Variants in STX3 observed in about 807,000 individuals in gnomAD.
The protein encoded by STX3 is syntaxin-3.
STX3 carries 19 observed loss-of-function variants against 40.2 expected under a neutral mutation model. The observed-to-expected ratio is 0.47, with a 90% CI of 0.33 to 0.69. The LOEUF (loss-of-function observed/expected upper bound fraction) is 0.69. STX3 is among the 30% of genes least tolerant of loss of function. The probability of loss-of-function intolerance (pLI) is 0.02; values close to 1 mark genes in which losing one functional copy is unlikely to be tolerated. For missense variants in STX3, 364 were observed against 366.7 expected (o/e 0.99, Z 0.06); for synonymous variants, 122 against 132.2 (o/e 0.92, Z 0.53).
intron 10 of STX3, chr11:59,799,704 T>C: frequency 1.0e-6 from 1 of 985,450 alleles, no homozygotes; most frequent in South Asian, 4.7e-5. Context: ...CCTCCTTCCA[T>C]GTGACCAGGG....
intron 8 of STX3, 30 bp downstream of exon 8, chr11:59,793,544 G>C (rs202161201): frequency 6.2e-7 from 1 of 1,601,766 alleles, no homozygotes; most frequent in East Asian, 2.2e-5. Context: ...AGCGTGGGGA[G>C]GGAGGAGAGG....
At chr11:59,789,046 T>G in intron 4 of STX3, 99 bp downstream of exon 4, 2 of 1,035,726 alleles carry the variant, frequency 1.9e-6, no homozygotes, top group Admixed American at 2.2e-5. Flanking sequence ...TTGATGGAAG[T>G]GACACCACTT....
chr11:59,766,679 A>G (rs1345701319), intron 1 of STX3, among the ~76,000 whole-genome samples: 3 of 152,230 alleles, frequency 2.0e-5, no homozygotes, highest in Non-Finnish European at 2.9e-5. Context: ...TCAGCCCAGG[A>G]TGCTTTCTGC....
rs140221416 is a variant in STX3, at chr11:59,789,009, G to A, written c.289+62G>A. ...CACCATCTATCTCAGCTCCCCTAGGGTCCAGCTTTCCGAACTGAAACTCCT... is the reference window on the plus strand; with the variant it reads ...CACCATCTATCTCAGCTCCCCTAGGATCCAGCTTTCCGAACTGAAACTCCT... On this transcript the variant is annotated intron_variant, in intron 4 of 10. Coordinates refer to ENST00000337979, the MANE Select transcript of STX3 (RefSeq NM_004177.5). The A allele has an allele frequency of 4.3e-3, 6,370 of 1,476,272 alleles. 22 individuals are homozygous for A. Among genetic ancestry groups the A allele is most frequent in the Admixed American group, 6.1e-3 (301 of 49,412 alleles). The allele number at this position is 1,476,272 out of a possible 1,614,324, so 91.4% of individuals were successfully genotyped here.
intron 1 of STX3, 60 bp from the exon 2 acceptor site, chr11:59,773,151 C>A: frequency 2.0e-6 from 3 of 1,525,546 alleles, no homozygotes; most frequent in South Asian, 1.1e-5. Flanking sequence ...CGTGAGCATT[C>A]AATAATTTAG....
chr11:59,793,437 G>A lies in STX3; in HGVS notation c.598G>A (p.Asp200Asn). Residue 200 changes from aspartate to asparagine, a missense_variant, in exon 8 of 11, where the codon GAC becomes AAC. By Grantham distance (23) the Asp-to-Asn change is conservative (BLOSUM62 1). Coordinates refer to ENST00000337979, the MANE Select transcript of STX3 (RefSeq NM_004177.5). Reference sequence around the variant, plus strand: ...CAGTGAGATTGAGGGACGACACAAGGACATTGTGAGGCTGGAGAGCAGCAT... The same window carrying A: ...CAGTGAGATTGAGGGACGACACAAGAACATTGTGAGGCTGGAGAGCAGCAT... Reference protein sequence around the residue: ...ALSEIEGRHKDIVRLESSIKE... With the variant: ...ALSEIEGRHKNIVRLESSIKE... 1.2e-6 allele frequency: 2 copies of A among 1,614,210 alleles called. No homozygotes were observed. The highest frequency in any genetic ancestry group is 1.7e-6 in the Non-Finnish European group (2 of 1,180,040).
In STX3 at chr11:59,786,968, A is replaced by G. The variant is rs886211047; in HGVS notation, c.115-69A>G. 5 of 1,407,488 alleles carry G rather than the reference A, an allele frequency of 3.6e-6. No individual in the cohort carries two copies. In the Admixed American group the frequency reaches 5.5e-5, roughly 15 times the overall value. 87.2% of individuals were successfully genotyped at this position (1,407,488 alleles called of 1,614,324 possible). ...GCAGCTTTCACCAGCAGCTCTGCCAAACGTTTATCTCAGCCATGGACCTGT... is the reference window on the plus strand; with the variant it reads ...GCAGCTTTCACCAGCAGCTCTGCCAGACGTTTATCTCAGCCATGGACCTGT... On this transcript the variant is annotated intron_variant, in intron 2 of 10. Transcript: ENST00000337979.
chr11:59,772,436 G>A (rs1020464095), intron 1 of STX3, among the ~76,000 whole-genome samples: 2 of 152,204 alleles, frequency 1.3e-5, no homozygotes, highest in African/African-American at 4.8e-5. Context: ...GTGGCTGGGG[G>A]CCGGGGGAGA....
At chr11:59,783,521 G>C (rs777433739) in intron 2 of STX3, among the ~76,000 whole-genome samples, 1 of 152,154 alleles carries the variant, frequency 6.6e-6, no homozygotes, top group African/African-American at 2.4e-5. Context: ...GTCAATTTTA[G>C]TTCTTAAATA....
intron 1 of STX3, among the ~76,000 whole-genome samples, chr11:59,765,173 A>G (rs1196316738): frequency 6.6e-6 from 1 of 152,186 alleles, no homozygotes; most frequent in Non-Finnish European, 1.5e-5. Context: ...GGAAGATGGA[A>G]TTAAGTGAAA....
At chr11:59,796,420 G>A (rs1865520940) in intron 9 of STX3, among the ~76,000 whole-genome samples, 2 of 152,162 alleles carry the variant, frequency 1.3e-5, no homozygotes, top group Admixed American at 1.3e-4. Context: ...TGGTTCTCTT[G>A]GGCTCTGATA....
chr11:59,794,278 C>T (rs1052033934), intron 8 of STX3, among the ~76,000 whole-genome samples: 2 of 152,138 alleles, frequency 1.3e-5, no homozygotes, highest in South Asian at 2.1e-4. Context: ...CTGCATAGGG[C>T]GCTAGTTTCG....
chr11:59,757,194 G>C (rs1365107225), intron 1 of STX3, among the ~76,000 whole-genome samples: 1 of 152,082 alleles, frequency 6.6e-6, no homozygotes, highest in Non-Finnish European at 1.5e-5. Context: ...AGCCGGCCAG[G>C]GCACCACCAG....
intron 2 of STX3, among the ~76,000 whole-genome samples, chr11:59,774,825 C>G (rs1863866383): frequency 6.6e-6 from 1 of 151,418 alleles, no homozygotes; most frequent in South Asian, 2.1e-4. Context: ...CGGTAGACTC[C>G]GTCTCAAAAA....
chr11:59,789,156 C>T lies in STX3; in HGVS notation c.289+209C>T. 3 of 431,596 alleles carry T rather than the reference C, an allele frequency of 7.0e-6. No homozygotes were observed. The South Asian group carries it at 8.5e-5, about 12-fold the overall frequency. The allele number at this position is 431,596 out of a possible 1,614,324, so 26.7% of individuals were successfully genotyped here. On this transcript the variant is annotated intron_variant, in intron 4 of 10. Coordinates refer to ENST00000337979, the MANE Select transcript of STX3 (RefSeq NM_004177.5). The stretch of plus-strand genomic sequence containing the variant: ...AAATCCTGACTGTACTGGAAAGAGT[C>T]CAGAATTGAAGCTAGGAGATGAGAA...
intron 10 of STX3, chr11:59,800,003 C>T (rs934813609): frequency 1.0e-6 from 1 of 985,444 alleles, no homozygotes; most frequent in Non-Finnish European, 1.2e-6. Flanking sequence ...TGTGGTGCCC[C>T]TTTCTATTCC....
At chr11:59,775,093 GT>G (rs926202533) in intron 2 of STX3, among the ~76,000 whole-genome samples, 2 of 151,956 alleles carry the variant, frequency 1.3e-5, no homozygotes, top group African/African-American at 4.8e-5. Context: ...TAACCCTCCA[GT>G]TTTTTTTCTG....
chr11:59,781,120 T>A (rs1351608746), intron 2 of STX3, among the ~76,000 whole-genome samples: 1 of 147,952 alleles, frequency 6.8e-6, no homozygotes, highest in Non-Finnish European at 1.5e-5. Context: ...ACAAACACAT[T>A]TATTTATTAA....
chr11:59,783,014 A>G (rs1020600193), intron 2 of STX3, among the ~76,000 whole-genome samples: 13 of 152,104 alleles, frequency 8.5e-5, no homozygotes, highest in Non-Finnish European at 1.9e-4. Flanking sequence ...AAAAAAATTA[A>G]TAAACAATGT....
Sources: gnomAD v4.1 joint callset for allele counts (sites outside exome capture counted in the v4.1 genomes callset) on GRCh38, gnomAD v4.1.1 for gene constraint, MANE v1.5 for transcripts, NCBI Gene and HGNC (gene_info 2026-07-23, HGNC 2026-07-21) for gene names.